The following TCERG1L variants were observed in gnomAD, a reference collection of about 807,000 sequenced individuals.
TCERG1L encodes the protein transcription elongation regulator 1 like.
Under a neutral mutation model 56.3 loss-of-function variants are expected in TCERG1L, and 37 were observed. That is an observed-to-expected ratio of 0.66 (90% CI 0.51 to 0.87). The LOEUF is 0.87. TCERG1L is among the 40% of genes least tolerant of loss of function. The probability of loss-of-function intolerance (pLI) is 0.00; values close to 1 mark genes in which losing one functional copy is unlikely to be tolerated. For missense variants in TCERG1L, 799 were observed against 774.2 expected (o/e 1.03, Z -0.38); for synonymous variants, 324 against 326.3 (o/e 0.99, Z 0.08).
intron 7 of TCERG1L, among the ~76,000 whole-genome samples, chr10:131,139,668 C>T (rs1471843862): frequency 6.7e-6 from 1 of 148,272 alleles, no homozygotes; most frequent in African/African-American, 2.5e-5. Flanking sequence ...GCCAGCAAGG[C>T]TATGCATATG....
chr10:131,225,808 C>A (rs1845785532), intron 4 of TCERG1L, among the ~76,000 whole-genome samples: 1 of 152,058 alleles, frequency 6.6e-6, no homozygotes, highest in Non-Finnish European at 1.5e-5. Context: ...GTGTGATTGG[C>A]CTCAGAAATG....
At chr10:131,168,477 T>C (rs895821260) in intron 4 of TCERG1L, among the ~76,000 whole-genome samples, 1 of 152,132 alleles carries the variant, frequency 6.6e-6, no homozygotes, top group Non-Finnish European at 1.5e-5. Flanking sequence ...AGCCCCTCAT[T>C]TGAGTTGGGT....
At chr10:131,279,848 C>T (rs1846432493) in intron 3 of TCERG1L, among the ~76,000 whole-genome samples, 1 of 152,078 alleles carries the variant, frequency 6.6e-6, no homozygotes, top group African/African-American at 2.4e-5. Flanking sequence ...CATAGCTCCT[C>T]ACTCTGCCTT....
At chr10:131,128,985 A>T (rs1203698961) in intron 8 of TCERG1L, among the ~76,000 whole-genome samples, 2 of 152,220 alleles carry the variant, frequency 1.3e-5, no homozygotes, top group Non-Finnish European at 2.9e-5. Context: ...CCCAGGCATG[A>T]TCTATGTCCA....
chr10:131,203,750 G>A (rs1431254656), intron 4 of TCERG1L, among the ~76,000 whole-genome samples: 2 of 152,096 alleles, frequency 1.3e-5, no homozygotes, highest in Admixed American at 6.5e-5. Context: ...CTCACATCCC[G>A]CCGGCGAGCG....
At chr10:131,204,100 T>C (rs550939559) in intron 4 of TCERG1L, among the ~76,000 whole-genome samples, 8 of 152,340 alleles carry the variant, frequency 5.3e-5, no homozygotes, top group African/African-American at 1.7e-4. Context: ...CTCTTAGCCC[T>C]TGCTCCCTCC....
chr10:131,294,162 A>C (rs1846664443), intron 3 of TCERG1L, among the ~76,000 whole-genome samples: 1 of 152,198 alleles, frequency 6.6e-6, no homozygotes, highest in Non-Finnish European at 1.5e-5. Flanking sequence ...GAAACTGTAT[A>C]TCTGAAGAAT....
At position 131,195,751 on chromosome 10, in the gene TCERG1L, G is replaced by T. The variant is rs114102954; in HGVS notation, c.857-28866C>A. On this transcript the variant is annotated intron_variant, in intron 4 of 11. Transcript: ENST00000368642. ...CTTCCCACACCCTTTTATCTTCTGG[G>T]GGACGCCCCTGCCATGGCCGGCCAT... Among the ~76,000 whole-genome samples the T allele has an allele frequency of 2.4e-3, 359 of 152,280 alleles. 1 individual carries two copies. The highest frequency in any genetic ancestry group is 8.2e-3 in the African/African-American group (341 of 41,556).
intron 4 of TCERG1L, among the ~76,000 whole-genome samples, chr10:131,233,423 CATAT>C (rs199774631): frequency 0.06 from 9,108 of 152,046 alleles, 343 homozygotes; most frequent in Middle Eastern, 0.15. Context: ...TACACACACA[CATAT>C]ATACACACAT....
chr10:131,205,256 C>A (rs961991542), intron 4 of TCERG1L, among the ~76,000 whole-genome samples: 1 of 152,034 alleles, frequency 6.6e-6, no homozygotes, highest in African/African-American at 2.4e-5. Context: ...GTGACGTGCA[C>A]GCCTCATTGT....
chr10:131,175,792 G>A (rs1005385999), intron 4 of TCERG1L, among the ~76,000 whole-genome samples: 1 of 152,216 alleles, frequency 6.6e-6, no homozygotes, highest in Admixed American at 6.5e-5. Flanking sequence ...AAGAAAAGAA[G>A]AGATGGCTAG....
At chr10:131,183,891 C>G (rs979340936) in intron 4 of TCERG1L, among the ~76,000 whole-genome samples, 1 of 152,224 alleles carries the variant, frequency 6.6e-6, no homozygotes, top group South Asian at 2.1e-4. Context: ...TGCTGAGCAT[C>G]GTGTCTGCCA....
chr10:131,117,438 G>T (rs974147870), intron 8 of TCERG1L, among the ~76,000 whole-genome samples: 4 of 152,256 alleles, frequency 2.6e-5, no homozygotes, highest in Non-Finnish European at 4.4e-5. Flanking sequence ...TATGTCCTGA[G>T]ATCTAACCCC....
chr10:131,179,443 C>T (rs865921865), intron 4 of TCERG1L, among the ~76,000 whole-genome samples: 5 of 152,216 alleles, frequency 3.3e-5, no homozygotes, highest in Admixed American at 6.5e-5. Context: ...CCACATCCCA[C>T]GTGAGGCTGG....
intron 9 of TCERG1L, among the ~76,000 whole-genome samples, chr10:131,111,004 C>T (rs1227869715): frequency 7.0e-6 from 1 of 143,016 alleles, no homozygotes; most frequent in Admixed American, 6.9e-5. Context: ...ATTTTCAATC[C>T]CTGGATCATG....
chr10:131,221,494 A>C (rs573651043), intron 4 of TCERG1L, among the ~76,000 whole-genome samples: 7 of 152,342 alleles, frequency 4.6e-5, no homozygotes, highest in Admixed American at 2.6e-4. Flanking sequence ...CAGCGAGGAA[A>C]GCGGCGGTCT....
intron 4 of TCERG1L, among the ~76,000 whole-genome samples, chr10:131,237,185 G>T (rs907752657): frequency 6.6e-6 from 1 of 151,990 alleles, no homozygotes; most frequent in East Asian, 1.9e-4. Context: ...CTTCCCCAGA[G>T]ACCCACTTAG....
chr10:131,176,571 C>A (rs1025176082), intron 4 of TCERG1L, among the ~76,000 whole-genome samples: 1 of 151,590 alleles, frequency 6.6e-6, no homozygotes, highest in Non-Finnish European at 1.5e-5. Flanking sequence ...CAAAGAGGCA[C>A]GTGCACACAC....
intron 4 of TCERG1L, among the ~76,000 whole-genome samples, chr10:131,244,121 C>T (rs959106193): frequency 2.0e-5 from 3 of 152,208 alleles, no homozygotes; most frequent in East Asian, 1.9e-4. Flanking sequence ...AAAGTTAACT[C>T]GCAAAAACGC....
Sources: allele counts gnomAD v4.1 joint callset (sites outside exome capture counted in the v4.1 genomes callset), GRCh38; gene constraint gnomAD v4.1.1; transcripts MANE v1.5; gene names NCBI Gene and HGNC (gene_info 2026-07-23, HGNC 2026-07-21).